The following CTNNA2 variants were observed in gnomAD, a reference collection of about 807,000 sequenced individuals.
The protein encoded by CTNNA2 is catenin alpha-2.
CTNNA2 carries 42 observed loss-of-function variants against 101.0 expected under a neutral mutation model. The observed-to-expected ratio is 0.42, with a 90% CI of 0.32 to 0.54. The LOEUF (loss-of-function observed/expected upper bound fraction) is 0.54. Ranked by LOEUF, CTNNA2 falls within the 20% of genes least tolerant of loss-of-function variation. The pLI, the probability that CTNNA2 is intolerant of heterozygous loss-of-function variation, is 0.14. For synonymous variants in CTNNA2, 450 were observed against 456.4 expected (o/e 0.99, Z 0.18); for missense variants, 871 against 1,223.1 (o/e 0.71, Z 4.29).
In CTNNA2 at chr2:80,647,894, A is replaced by C; in HGVS notation, c.*22A>C. 6.5e-7 allele frequency: 1 copy of C among 1,539,050 alleles called. No individual in the cohort carries two copies. Among genetic ancestry groups the C allele is most frequent in the Non-Finnish European group, 8.7e-7 (1 of 1,144,928 alleles). ...CTAGGACGATAGGTTTTAACAAGAA[A>C]GCTTTTTCTTTCTTTTCTTTCTTTC... is the stretch of plus-strand genomic sequence containing the variant. On this transcript the variant is annotated 3_prime_UTR_variant, in exon 19 of 19. Coordinates refer to ENST00000402739, the MANE Select transcript of CTNNA2 (RefSeq NM_001282597.3).
intron 4 of CTNNA2, among the ~76,000 whole-genome samples, chr2:79,403,635 T>G (rs1161069332): frequency 6.6e-6 from 1 of 151,894 alleles, no homozygotes; most frequent in Non-Finnish European, 1.5e-5. Flanking sequence ...AATAAACATG[T>G]CATAGGAGGA....
intron 2 of CTNNA2, among the ~76,000 whole-genome samples, chr2:79,709,105 C>T (rs1286466120): frequency 1.3e-5 from 2 of 152,148 alleles, no homozygotes. Flanking sequence ...TTACACATTA[C>T]AGCTGGGGCC....
intron 9 of CTNNA2, among the ~76,000 whole-genome samples, chr2:80,521,969 G>C (rs1689595777): frequency 6.6e-6 from 1 of 152,098 alleles, no homozygotes; most frequent in Non-Finnish European, 1.5e-5. Context: ...AAGAGAGGGA[G>C]ATCAAAAAAT....
chr2:79,731,703 G>A (rs1363606242), intron 2 of CTNNA2, among the ~76,000 whole-genome samples: 1 of 152,034 alleles, frequency 6.6e-6, no homozygotes, highest in Non-Finnish European at 1.5e-5. Context: ...TTGTCCGTGA[G>A]GTTCATTTGG....
intron 4 of CTNNA2, among the ~76,000 whole-genome samples, chr2:79,398,878 C>T (rs1380407937): frequency 2.6e-5 from 4 of 151,774 alleles, no homozygotes; most frequent in African/African-American, 7.2e-5. Context: ...AAAGTTGAAT[C>T]CTATAAAAAC....
At chr2:80,013,461 C>T (rs1351167600) in intron 7 of CTNNA2, among the ~76,000 whole-genome samples, 1 of 152,148 alleles carries the variant, frequency 6.6e-6, no homozygotes, top group East Asian at 1.9e-4. Flanking sequence ...CTTCAGCTAC[C>T]TTAAAACTAG....
At chr2:79,554,283 A>G (rs904843881) in intron 1 of CTNNA2, among the ~76,000 whole-genome samples, 1 of 152,162 alleles carries the variant, frequency 6.6e-6, no homozygotes, top group Non-Finnish European at 1.5e-5. Context: ...AGCCTTCTAC[A>G]TATTGAGGTA....
At chr2:80,258,454 G>A (rs1050180799) in intron 7 of CTNNA2, among the ~76,000 whole-genome samples, 2 of 152,166 alleles carry the variant, frequency 1.3e-5, no homozygotes, top group Non-Finnish European at 2.9e-5. Flanking sequence ...ACAGTGCAAA[G>A]TAGAAGCTTT....
At chr2:80,039,554 A>G (rs1410079610) in intron 7 of CTNNA2, among the ~76,000 whole-genome samples, 1 of 152,208 alleles carries the variant, frequency 6.6e-6, no homozygotes, top group African/African-American at 2.4e-5. Flanking sequence ...GCAGGGACCC[A>G]GGAGGGATGG....
rs570454004 is a variant in CTNNA2, at chr2:80,244,852, A to G, written c.1057-148359A>G. Among the ~76,000 whole-genome samples, 3 of 152,280 alleles carry G rather than the reference A, an allele frequency of 2.0e-5. 1 individual carries two copies. The highest frequency in any genetic ancestry group is 4.1e-4 in the South Asian group (2 of 4,822). ...AGAAATATTGTGAGTTTCTGTAGTC[A>G]TTTCCATATCACACATCTCAACAGA... On this transcript the variant is annotated intron_variant, in intron 7 of 18. Transcript: ENST00000402739.
At chr2:80,104,589 A>G (rs1402236171) in intron 7 of CTNNA2, among the ~76,000 whole-genome samples, 1 of 152,180 alleles carries the variant, frequency 6.6e-6, no homozygotes, top group African/African-American at 2.4e-5. Flanking sequence ...TGGGTCATTT[A>G]CCTTGAGTTG....
chr2:79,794,558 C>A (rs2048435), intron 3 of CTNNA2, among the ~76,000 whole-genome samples: 3,564 of 152,142 alleles, frequency 0.023, 145 homozygotes, highest in East Asian at 0.16. Flanking sequence ...TTCTTTCTTT[C>A]TTTATTTATT....
chr2:80,195,801 C>T (rs1456273425), intron 7 of CTNNA2, among the ~76,000 whole-genome samples: 1 of 152,004 alleles, frequency 6.6e-6, no homozygotes, highest in Non-Finnish European at 1.5e-5. Flanking sequence ...ATTGCATATG[C>T]CAGATGCAGT....
At chr2:79,560,798 A>T (rs1215316162) in intron 1 of CTNNA2, among the ~76,000 whole-genome samples, 1 of 151,958 alleles carries the variant, frequency 6.6e-6, no homozygotes, top group Non-Finnish European at 1.5e-5. Context: ...GAAAATGTTC[A>T]CCATCAGCTA....
intron 4 of CTNNA2, among the ~76,000 whole-genome samples, chr2:79,458,240 A>G (rs1670845290): frequency 6.6e-6 from 1 of 152,246 alleles, no homozygotes; most frequent in African/African-American, 2.4e-5. Flanking sequence ...ACATGATTTA[A>G]CTATTCTTAT....
intron 2 of CTNNA2, among the ~76,000 whole-genome samples, chr2:79,706,165 C>A (rs981135372): frequency 6.6e-6 from 1 of 151,910 alleles, no homozygotes; most frequent in Non-Finnish European, 1.5e-5. Flanking sequence ...GAGATCGAGA[C>A]CATCCTGGCT....
chr2:79,971,582 G>T (rs185894622), intron 7 of CTNNA2, among the ~76,000 whole-genome samples: 1 of 152,168 alleles, frequency 6.6e-6, no homozygotes, highest in South Asian at 2.1e-4. Context: ...CTTTTCAGAA[G>T]TGGGAAATAT....
At chr2:79,738,020 C>T (rs916338157) in intron 2 of CTNNA2, among the ~76,000 whole-genome samples, 1 of 152,166 alleles carries the variant, frequency 6.6e-6, no homozygotes, top group Non-Finnish European at 1.5e-5. Context: ...CAACATATCG[C>T]AAGAAAGAGA....
intron 3 of CTNNA2, among the ~76,000 whole-genome samples, chr2:79,326,407 T>A (rs10183269): frequency 0.15 from 23,059 of 152,050 alleles, 1,824 homozygotes; most frequent in East Asian, 0.17. Flanking sequence ...TCAAGACTGT[T>A]TGGGCTTATT....
Sources: allele counts gnomAD v4.1 joint callset (sites outside exome capture counted in the v4.1 genomes callset), GRCh38; gene constraint gnomAD v4.1.1; transcripts MANE v1.5; gene names NCBI Gene and HGNC (gene_info 2026-07-23, HGNC 2026-07-21).